The following BPI variants were observed in gnomAD, a reference collection of about 807,000 sequenced individuals.
BPI encodes bactericidal permeability increasing protein, also known as bactericidal permeability-increasing protein.
A neutral mutation model predicts 57.6 loss-of-function variants in BPI; 48 were observed. The ratio of observed to expected loss-of-function variants is 0.83; its 90% confidence interval spans 0.66 to 1.06. BPI has a LOEUF of 1.06. Ranked by LOEUF, BPI falls within the 50% of genes least tolerant of loss-of-function variation. The pLI is 0.00. For missense variants in BPI, 651 were observed against 609.7 expected (o/e 1.07, Z -0.71); for synonymous variants, 237 against 238.2 (o/e 0.99, Z 0.05).
At chr20:38,317,078 A>G (rs1246040154) in intron 5 of BPI, among the ~76,000 whole-genome samples, 1 of 152,160 alleles carries the variant, frequency 6.6e-6, no homozygotes, top group Non-Finnish European at 1.5e-5. Flanking sequence ...CCACACCAGG[A>G]GCTACCCAGT....
intron 3 of BPI, among the ~76,000 whole-genome samples, chr20:38,310,158 C>T (rs186794207): frequency 2.6e-5 from 4 of 152,338 alleles, no homozygotes; most frequent in African/African-American, 7.2e-5. Context: ...GACACACACT[C>T]TGGTGTCTGA....
At chr20:38,305,337 C>T (rs541331311) in intron 1 of BPI, among the ~76,000 whole-genome samples, 1 of 152,290 alleles carries the variant, frequency 6.6e-6, no homozygotes, top group African/African-American at 2.4e-5. Flanking sequence ...TCTTTAAGTT[C>T]AGTGGTCTTC....
At chr20:38,320,325 TCCAG>T in intron 7 of BPI, 51 bp downstream of exon 7, 1 of 1,533,132 alleles carries the variant, frequency 6.5e-7, no homozygotes, top group Non-Finnish European at 9.0e-7. Context: ...TCTCAGACAC[TCCAG>T]GGCTCCCCAG....
chr20:38,308,944 A>T lies in BPI; in HGVS notation c.260A>T (p.Glu87Val). 6.2e-7 allele frequency: 1 copy of T among 1,614,250 alleles called. No homozygotes were observed. The highest frequency in any genetic ancestry group is 8.5e-7 in the Non-Finnish European group (1 of 1,180,030). The change falls in exon 3 of 15, where the codon GAA becomes GTA. Residue 87 changes from glutamate (E) to valine (V), a missense_variant. Physicochemically the swap from Glu to Val is moderately radical, Grantham distance 121. Transcript: ENST00000642449. ...CTCCTTTGCAGCATGGACATCCGTG[A>T]ATTCCAGCTTCCCAGTTCCCAGATA... ...HYSFYSMDIR[E>V]FQLPSSQISM...
intron 5 of BPI, 142 bp downstream of exon 5, chr20:38,312,079 C>T (rs192164269): frequency 8.9e-6 from 7 of 785,866 alleles, no homozygotes; most frequent in South Asian, 4.8e-5. Flanking sequence ...AACCCCAGCT[C>T]TAAAATCCTG....
chr20:38,308,848 C>G (rs1182075229), intron 2 of BPI, 82 bp from the exon 3 acceptor site: 1 of 1,547,576 alleles, frequency 6.5e-7, no homozygotes, highest in East Asian at 2.3e-5. Context: ...GGGGACGAGT[C>G]TGCATTAACC....
In BPI at chr20:38,304,350, T is replaced by C. The variant is rs749360227; in HGVS notation, c.127T>C (p.Tyr43His). ...CAGGATCTCCCAGAAGGGCCTGGAC[T>C]ACGGTAACTGGATGCCTCCCTTCCC... ...VVRISQKGLD[Y>H]ASQQGTAALQ... Residue 43 changes from tyrosine to histidine, a missense_variant, in exon 1 of 15, where the codon TAC becomes CAC. Physicochemically the swap from Tyr to His is moderately conservative, Grantham distance 83. Transcript: ENST00000642449. The C allele has an allele frequency of 6.8e-6, 11 of 1,613,264 alleles. No homozygotes were observed. The South Asian group carries it at 1.1e-4, about 16-fold the overall frequency.
intron 6 of BPI, among the ~76,000 whole-genome samples, chr20:38,318,846 G>C (rs2076666662): frequency 6.6e-6 from 1 of 152,158 alleles, no homozygotes; most frequent in African/African-American, 2.4e-5. Context: ...TCACCCCCAA[G>C]TACTTGGCAA....
At position 38,323,862 on chromosome 20, in the gene BPI, A is replaced by AC; in HGVS notation, c.757-3dup. On this transcript the variant is annotated splice_region_variant and splice_polypyrimidine_tract_variant and intron_variant, in intron 7 of 14. Coordinates refer to ENST00000642449, the MANE Select transcript of BPI (RefSeq NM_001725.3). ...TATCTGGGCTCACTCTGTTGCCTCT[A>AC]CCCCCAGGGGGAGTTTTACAGTGAG... is the stretch of plus-strand genomic sequence containing the variant. 1 of 1,612,924 alleles carries AC rather than the reference A, an allele frequency of 6.2e-7. No homozygotes were observed.
intron 13 of BPI, among the ~76,000 whole-genome samples, chr20:38,334,748 A>T (rs1231260203): frequency 6.6e-6 from 1 of 152,212 alleles, no homozygotes; most frequent in African/African-American, 2.4e-5. Flanking sequence ...AAGGATTATT[A>T]ACATCTCCAA....
chr20:38,317,804 A>G (rs1400322932), intron 5 of BPI: 4 of 1,482,022 alleles, frequency 2.7e-6, no homozygotes, highest in South Asian at 1.2e-5. Context: ...CAACTTCCTC[A>G]GTGTCAAAGT....
intron 14 of BPI, 117 bp from the exon 15 acceptor site, chr20:38,337,029 C>A: frequency 1.9e-6 from 2 of 1,036,458 alleles, no homozygotes; most frequent in South Asian, 2.8e-5. Context: ...CTGGCCCTGC[C>A]TTTCTCCTTC....
At chr20:38,331,910 G>T (rs2076744657) in intron 12 of BPI, among the ~76,000 whole-genome samples, 1 of 152,154 alleles carries the variant, frequency 6.6e-6, no homozygotes, top group South Asian at 2.1e-4. Context: ...AACCAAAGCG[G>T]GGATGGGCGG....
intron 9 of BPI, 36 bp downstream of exon 9, chr20:38,324,869 G>A: frequency 1.9e-6 from 3 of 1,548,522 alleles, no homozygotes; most frequent in African/African-American, 1.4e-5. Flanking sequence ...GTGAGCCCCG[G>A]GGGTTCTGGG....
chr20:38,326,579 A>G, intron 10 of BPI, 147 bp downstream of exon 10: 1 of 985,102 alleles, frequency 1.0e-6, no homozygotes, highest in Non-Finnish European at 1.4e-6. Flanking sequence ...ACTGTACTCA[A>G]TGGTGCCGAC....
Position 38,315,759 on chromosome 20 carries a change from CCTTT to C in BPI, c.601-2648_601-2645del, listed in dbSNP as rs551460520. 6.2e-3 allele frequency among the ~76,000 whole-genome samples: 936 copies of C among 151,784 alleles called. 4 individuals are homozygous for C. Among genetic ancestry groups the C allele is most frequent in the Non-Finnish European group, 0.011 (736 of 67,874 alleles). On this transcript the variant is annotated intron_variant, in intron 5 of 14. Transcript: ENST00000642449. ...TCACTGCTGTCTTCCCTCCTTCCTTCCTTTCTTTCCTTCTTCCCTCCTTCCTTCC... is the reference window on the plus strand; with the variant it reads ...TCACTGCTGTCTTCCCTCCTTCCTTCCTTTCCTTCTTCCCTCCTTCCTTCC...
At chr20:38,328,788 A>G (rs190424626) in intron 11 of BPI, among the ~76,000 whole-genome samples, 78 of 151,842 alleles carry the variant, frequency 5.1e-4, no homozygotes, top group Admixed American at 3.3e-3. Flanking sequence ...CCTGAGCCCA[A>G]TAGTTCAAGA....
chr20:38,318,373 A>G (rs1308039152), intron 5 of BPI, 40 bp from the exon 6 acceptor site: 1 of 1,577,400 alleles, frequency 6.3e-7, no homozygotes, highest in Non-Finnish European at 8.7e-7. Context: ...ATTTTTCACT[A>G]TGGGAAGACC....
intron 5 of BPI, among the ~76,000 whole-genome samples, chr20:38,315,089 C>A (rs532540120): frequency 2.0e-4 from 31 of 152,160 alleles, no homozygotes; most frequent in African/African-American, 4.8e-4. Context: ...ATGCTAAGAA[C>A]TTTTTCCATG....
Sources: gnomAD v4.1 joint callset for allele counts (sites outside exome capture counted in the v4.1 genomes callset) on GRCh38, gnomAD v4.1.1 for gene constraint, MANE v1.5 for transcripts, NCBI Gene and HGNC (gene_info 2026-07-23, HGNC 2026-07-21) for gene names.